FBXO48: variants seen among roughly 807,000 people sequenced by gnomAD.
FBXO48 encodes the protein F-box only protein 48.
FBXO48 carries 12 observed loss-of-function variants against 14.3 expected under a neutral mutation model. That is an observed-to-expected ratio of 0.84 (90% CI 0.54 to 1.36). The LOEUF is 1.36. Ranked by LOEUF, FBXO48 falls within the 40% of genes most tolerant of loss-of-function variation. The probability of loss-of-function intolerance (pLI) is 0.00; values close to 1 mark genes in which losing one functional copy is unlikely to be tolerated. For missense variants in FBXO48, 177 were observed against 179.1 expected (o/e 0.99, Z 0.07); for synonymous variants, 53 against 61.7 (o/e 0.86, Z 0.66).
Position 68,461,527 on chromosome 2 carries a change from A to G in FBXO48, c.*2682T>C, listed in dbSNP as rs1303545213. On this transcript the variant is annotated 3_prime_UTR_variant, in exon 4 of 4. Coordinates refer to ENST00000377957, the MANE Select transcript of FBXO48 (RefSeq NM_001024680.3). The stretch of plus-strand genomic sequence containing the variant: ...TAGCCAGGATGGTCTCGATCTCCTG[A>G]CCTCATGATCCACCCGCCTCGGCCT... 1 of 143,512 alleles carries G rather than the reference A, an allele frequency of 7.0e-6. No individual in the cohort carries two copies. Among genetic ancestry groups the G allele is most frequent in the African/African-American group, 2.7e-5 (1 of 37,218 alleles). 8.9% of individuals were successfully genotyped at this position (143,512 alleles called of 1,614,324 possible).
intron 2 of FBXO48, among the ~76,000 whole-genome samples, 166 bp downstream of exon 2, chr2:68,465,978 G>C (rs1319873132): frequency 6.6e-6 from 1 of 152,190 alleles, no homozygotes; most frequent in Non-Finnish European, 1.5e-5. Flanking sequence ...TTTTAGAAAT[G>C]GCCCCTTGAA....
In FBXO48 at chr2:68,465,040, CAAA is replaced by C; in HGVS notation, c.103_105del (p.Phe35del). On this transcript the variant is annotated inframe_deletion, in exon 3 of 4. Transcript: ENST00000377957. ...AAAGTGATTTCTGCAGGCAGCAGTT[CAAA>C]AAAGTTGTTTTGACTCTCATTTTTT... The C allele has an allele frequency of 6.2e-7, 1 of 1,613,898 alleles. No homozygotes were observed. Among genetic ancestry groups the C allele is most frequent in the South Asian group, 1.1e-5 (1 of 91,082 alleles).
chr2:68,459,898 AG>A lies in FBXO48; in HGVS notation c.*4310del, dbSNP rs1454465208. On this transcript the variant is annotated 3_prime_UTR_variant, in exon 4 of 4. Transcript: ENST00000377957. ...ACAGTAGAAGTTATGGATTGTTTCC[AG>A]GCCAAGATGATAAGTTTTACAATAG... 1.3e-5 allele frequency: 2 copies of A among 152,234 alleles called. No homozygotes were observed. The highest frequency in any genetic ancestry group is 3.8e-4 in the East Asian group (2 of 5,208). The allele number at this position is 152,234 out of a possible 1,614,324, so 9.4% of individuals were successfully genotyped here.
At position 68,464,052 on chromosome 2, in the gene FBXO48, A is replaced by T; in HGVS notation, c.*157T>A. The T allele has an allele frequency of 1.5e-6, 1 of 680,120 alleles. No individual in the cohort carries two copies. Among genetic ancestry groups the T allele is most frequent in the Non-Finnish European group, 2.3e-6 (1 of 428,542 alleles). The allele number at this position is 680,120 out of a possible 1,614,324, so 42.1% of individuals were successfully genotyped here. Reference sequence around the variant, plus strand: ...ACCAGAAAAATTTTACTAAAGTGCAAAACAAAAATAAAGCTTTACTTTTAT... The same window carrying T: ...ACCAGAAAAATTTTACTAAAGTGCATAACAAAAATAAAGCTTTACTTTTAT... On this transcript the variant is annotated 3_prime_UTR_variant, in exon 4 of 4. Coordinates refer to ENST00000377957, the MANE Select transcript of FBXO48 (RefSeq NM_001024680.3).
intron 2 of FBXO48, among the ~76,000 whole-genome samples, chr2:68,465,536 A>C (rs199796027): frequency 4.0e-4 from 59 of 149,086 alleles, no homozygotes; most frequent in African/African-American, 1.4e-3. Flanking sequence ...AAAAAAAAAA[A>C]GAAAAAAAAA....
Position 68,464,202 on chromosome 2 carries a change from T to C in FBXO48, c.*7A>G, listed in dbSNP as rs755835362. On this transcript the variant is annotated 3_prime_UTR_variant, in exon 4 of 4. Coordinates refer to ENST00000377957, the MANE Select transcript of FBXO48 (RefSeq NM_001024680.3). ...CAAAGACCTGAGATTTGTGATTTTT[T>C]TTCCCCTTATCTTTCCAGTTCTGCT... 10 of 1,611,446 alleles carry C rather than the reference T, an allele frequency of 6.2e-6. No individual in the cohort carries two copies. Among genetic ancestry groups the C allele is most frequent in the Non-Finnish European group, 8.5e-6 (10 of 1,178,288 alleles).
rs1675328888 is a variant in FBXO48, at chr2:68,463,932, C to T, written c.*277G>A. ...ACATTTAGTATTGCAAATATATTAA[C>T]ACAAATACATGAAACATTGTATTTG... On this transcript the variant is annotated 3_prime_UTR_variant, in exon 4 of 4. Coordinates refer to ENST00000377957, the MANE Select transcript of FBXO48 (RefSeq NM_001024680.3). 3.7e-6 allele frequency: 1 copy of T among 270,770 alleles called. No individual in the cohort carries two copies. Among genetic ancestry groups the T allele is most frequent in the African/African-American group, 2.2e-5 (1 of 45,818 alleles). 16.8% of individuals were successfully genotyped at this position (270,770 alleles called of 1,614,324 possible). A position where few individuals can be genotyped will look rare whatever the true frequency, so the allele number is the denominator to read the frequency against.
rs1675239216 is a variant in FBXO48, at chr2:68,460,719, A to G, written c.*3490T>C. 1 of 152,184 alleles carries G rather than the reference A, an allele frequency of 6.6e-6. No individual in the cohort carries two copies. Among genetic ancestry groups the G allele is most frequent in the African/African-American group, 2.4e-5 (1 of 41,436 alleles). The allele number at this position is 152,184 out of a possible 1,614,324, so 9.4% of individuals were successfully genotyped here. On this transcript the variant is annotated 3_prime_UTR_variant, in exon 4 of 4. Coordinates refer to ENST00000377957, the MANE Select transcript of FBXO48 (RefSeq NM_001024680.3). ...GATCACCAAGGATGTTAGAGTATAG[A>G]GACGAGATGACAACAGGTGGAACTT...
chr2:68,460,542 A>C lies in FBXO48; in HGVS notation c.*3667T>G, dbSNP rs1675234408. On this transcript the variant is annotated 3_prime_UTR_variant, in exon 4 of 4. Coordinates refer to ENST00000377957, the MANE Select transcript of FBXO48 (RefSeq NM_001024680.3). Reference sequence around the variant, plus strand: ...TTTGGATATATCAAATATTTTATATATATATATATATACTTATACTATCTT... The same window carrying C: ...TTTGGATATATCAAATATTTTATATCTATATATATATACTTATACTATCTT... The C allele has an allele frequency of 6.7e-6, 1 of 150,298 alleles. No individual in the cohort carries two copies. Among genetic ancestry groups the C allele is most frequent in the South Asian group, 2.1e-4 (1 of 4,816 alleles). 9.3% of individuals were successfully genotyped at this position (150,298 alleles called of 1,614,324 possible).
Position 68,465,069 on chromosome 2 carries a change from T to C in FBXO48, c.77A>G (p.Glu26Gly), listed in dbSNP as rs774323481. The change falls in exon 3 of 4, where the codon GAA becomes GGA. Residue 26 changes from glutamate (E) to glycine (G), a missense_variant. Physicochemically the swap from Glu to Gly is moderately conservative, Grantham distance 98 (BLOSUM62 -2). Coordinates refer to ENST00000377957, the MANE Select transcript of FBXO48 (RefSeq NM_001024680.3). ...AAAGTTGTTTTGACTCTCATTTTTT[T>C]CCTTCTCAGCATCCACAGAGTTCGC... ...TEANSVDAEK[E>G]KNESQNNFFE... 1.2e-6 allele frequency: 2 copies of C among 1,613,914 alleles called. No individual in the cohort carries two copies. Among genetic ancestry groups the C allele is most frequent in the South Asian group, 2.2e-5 (2 of 91,076 alleles).
At chr2:68,464,517 G>GT in intron 3 of FBXO48, 147 bp from the exon 4 acceptor site, 1 of 686,634 alleles carries the variant, frequency 1.5e-6, no homozygotes, top group Non-Finnish European at 2.5e-6. Flanking sequence ...ATGTGTCTGT[G>GT]TACGTGTGTG....
In FBXO48 at chr2:68,463,608, T is replaced by G. The variant is rs1558520353; in HGVS notation, c.*601A>C. 6.6e-6 allele frequency: 1 copy of G among 152,152 alleles called. No individual in the cohort carries two copies. Among genetic ancestry groups the G allele is most frequent in the South Asian group, 2.1e-4 (1 of 4,834 alleles). The allele number at this position is 152,152 out of a possible 1,614,324, so 9.4% of individuals were successfully genotyped here. ...CCGTTCCAGGTTTATATAAAATTAATGGGAATCTCAATTGGACAAACTTTA... is the reference window on the plus strand; with the variant it reads ...CCGTTCCAGGTTTATATAAAATTAAGGGGAATCTCAATTGGACAAACTTTA... On this transcript the variant is annotated 3_prime_UTR_variant, in exon 4 of 4. Transcript: ENST00000377957.
rs1169067969 is a variant in FBXO48, at chr2:68,460,598, G to C, written c.*3611C>G. ...AAAAATCCAAAAGATAATAGCATAT[G>C]TATTTCTGGAACATCTCATGGAGAT... On this transcript the variant is annotated 3_prime_UTR_variant, in exon 4 of 4. Transcript: ENST00000377957. The C allele has an allele frequency of 6.6e-6, 1 of 151,682 alleles. No homozygotes were observed. The highest frequency in any genetic ancestry group is 2.4e-5 in the African/African-American group (1 of 41,342). The allele number at this position is 151,682 out of a possible 1,614,324, so 9.4% of individuals were successfully genotyped here. A position where few individuals can be genotyped will look rare whatever the true frequency, so the allele number is the denominator to read the frequency against.
At position 68,463,457 on chromosome 2, in the gene FBXO48, GCTAT is replaced by G. The variant is rs1201347676; in HGVS notation, c.*748_*751del. ...AAAGGAGCTGAAAGTCCTTTGTCTT[GCTAT>G]CTAAGAATAGCACACTAGATGGTGC... On this transcript the variant is annotated 3_prime_UTR_variant, in exon 4 of 4. Transcript: ENST00000377957. 1.3e-5 allele frequency: 2 copies of G among 151,632 alleles called. No homozygotes were observed. Among genetic ancestry groups the G allele is most frequent in the Non-Finnish European group, 1.5e-5 (1 of 67,920 alleles). 9.4% of individuals were successfully genotyped at this position (151,632 alleles called of 1,614,324 possible). A position where few individuals can be genotyped will look rare whatever the true frequency, so the allele number is the denominator to read the frequency against.
At chr2:68,465,744 CTTG>C (rs1030848710) in intron 2 of FBXO48, among the ~76,000 whole-genome samples, 4 of 152,096 alleles carry the variant, frequency 2.6e-5, no homozygotes, top group East Asian at 1.9e-4. Context: ...CTCCTGAATA[CTTG>C]TTGTACATGG....
chr2:68,459,663 A>G lies in FBXO48; in HGVS notation c.*4546T>C, dbSNP rs935802956. On this transcript the variant is annotated 3_prime_UTR_variant, in exon 4 of 4. Coordinates refer to ENST00000377957, the MANE Select transcript of FBXO48 (RefSeq NM_001024680.3). ...GTAGGATTAAAATAAATAACTATAG[A>G]AATAATTTAACAAATCTTTATAGAG... 1 of 152,168 alleles carries G rather than the reference A, an allele frequency of 6.6e-6. No homozygotes were observed. Among genetic ancestry groups the G allele is most frequent in the African/African-American group, 2.4e-5 (1 of 41,436 alleles). The allele number at this position is 152,168 out of a possible 1,614,324, so 9.4% of individuals were successfully genotyped here. A position where few individuals can be genotyped will look rare whatever the true frequency, so the allele number is the denominator to read the frequency against.
intron 3 of FBXO48, 135 bp from the exon 4 acceptor site, chr2:68,464,505 G>A (rs1017081021): frequency 1.4e-6 from 1 of 727,488 alleles, no homozygotes. Flanking sequence ...ATTAATAAAT[G>A]TATGTGTCTG....
intron 3 of FBXO48, 36 bp downstream of exon 3, chr2:68,464,804 G>T: frequency 6.6e-7 from 1 of 1,518,214 alleles, no homozygotes; most frequent in South Asian, 1.1e-5. Flanking sequence ...TCATAACGCT[G>T]TCAACAACAC....
chr2:68,463,929 T>C lies in FBXO48; in HGVS notation c.*280A>G. On this transcript the variant is annotated 3_prime_UTR_variant, in exon 4 of 4. Transcript: ENST00000377957. ...CTTACATTTAGTATTGCAAATATAT[T>C]AACACAAATACATGAAACATTGTAT... 3 of 267,838 alleles carry C rather than the reference T, an allele frequency of 1.1e-5. No individual in the cohort carries two copies. The South Asian group carries it at 1.7e-4, about 15-fold the overall frequency. The allele number at this position is 267,838 out of a possible 1,614,324, so 16.6% of individuals were successfully genotyped here. A position where few individuals can be genotyped will look rare whatever the true frequency, so the allele number is the denominator to read the frequency against.
Sources: gnomAD v4.1 joint callset for allele counts (sites outside exome capture counted in the v4.1 genomes callset) on GRCh38, gnomAD v4.1.1 for gene constraint, MANE v1.5 for transcripts, NCBI Gene and HGNC (gene_info 2026-07-23, HGNC 2026-07-21) for gene names.